The following HTR2C variants were observed in gnomAD, a reference collection of about 807,000 sequenced individuals.
HTR2C encodes the protein 5-hydroxytryptamine (serotonin) receptor 2C, G protein-coupled.
Under a neutral mutation model 21.0 loss-of-function variants are expected in HTR2C, and 5 were observed. That is an observed-to-expected ratio of 0.24 (90% CI 0.12 to 0.50). The LOEUF is 0.50. Among genes scored for constraint, HTR2C ranks in the 20% least tolerant of loss-of-function variants. The pLI, the probability that HTR2C is intolerant of heterozygous loss-of-function variation, is 0.98. For synonymous variants in HTR2C, 150 were observed against 145.3 expected (o/e 1.03, Z -0.23); for missense variants, 271 against 371.2 (o/e 0.73, Z 2.22).
intron 2 of HTR2C, among the ~76,000 whole-genome samples, chrX:114,682,530 A>G (rs1399032819): frequency 1.8e-5 from 2 of 111,625 alleles, no homozygotes; most frequent in Non-Finnish European, 3.8e-5. Context: ...GTTCAGAAAA[A>G]TAAGATTGCC....
intron 2 of HTR2C, among the ~76,000 whole-genome samples, chrX:114,663,365 A>G (rs1281824982): frequency 9.0e-6 from 1 of 111,532 alleles, no homozygotes; most frequent in Non-Finnish European, 1.9e-5. Context: ...GAAAAATGAA[A>G]TAAATTAAAA....
chrX:114,784,401 A>G (rs1196506310), intron 4 of HTR2C, among the ~76,000 whole-genome samples: 1 of 111,445 alleles, frequency 9.0e-6, no homozygotes, highest in Non-Finnish European at 1.9e-5. Context: ...CAAGGAAATT[A>G]CCACACATTC....
chrX:114,700,160 C>T (rs781892000), intron 2 of HTR2C, among the ~76,000 whole-genome samples: 4 of 111,277 alleles, frequency 3.6e-5, no homozygotes, highest in Non-Finnish European at 7.5e-5. Context: ...ATGAATGATG[C>T]CTAACTGTAA....
rs144149179 is a variant in HTR2C, at chrX:114,906,840, A to G, written c.802A>G (p.Lys268Glu). Residue 268 changes from lysine to glutamate, a missense_variant, in exon 6 of 6, where the codon AAG (lysine) becomes GAG (glutamate). This residue lies in a region of HTR2C where 192 missense variants were observed against 247.2 expected (regional missense o/e 0.78). Transcript: ENST00000276198. Reference sequence around the variant, plus strand: ...AAGTCTGGATTTCCTGAAGTGCTGCAAGAGGAATACGGCCGAGGAAGAGAA... The same window carrying G: ...AAGTCTGGATTTCCTGAAGTGCTGCGAGAGGAATACGGCCGAGGAAGAGAA... ...GLSLDFLKCCKRNTAEEENSA... is the reference protein window; with the variant it reads ...GLSLDFLKCCERNTAEEENSA... 35 of 1,208,845 alleles carry G rather than the reference A, an allele frequency of 2.9e-5. No individual in the cohort carries two copies. Among genetic ancestry groups the G allele is most frequent in the Non-Finnish European group, 3.8e-5 (34 of 894,985 alleles).
intron 4 of HTR2C, among the ~76,000 whole-genome samples, chrX:114,748,092 T>A (rs1263698256): frequency 8.9e-6 from 1 of 112,341 alleles, no homozygotes; most frequent in Non-Finnish European, 1.9e-5. Context: ...AAAGCCCATA[T>A]GCACAAATAA....
At chrX:114,803,264 G>A (rs1602804988) in intron 4 of HTR2C, among the ~76,000 whole-genome samples, 1 of 56,351 alleles carries the variant, frequency 1.8e-5, no homozygotes, top group African/African-American at 5.3e-5. Flanking sequence ...GGATGGCTGG[G>A]TCAAATGGCA....
intron 1 of HTR2C, among the ~76,000 whole-genome samples, chrX:114,613,090 A>C (rs1353250569): frequency 3.6e-5 from 4 of 109,794 alleles, no homozygotes; most frequent in African/African-American, 1.3e-4. Flanking sequence ...GGTGCCCACC[A>C]TCATGCCAGG....
intron 4 of HTR2C, among the ~76,000 whole-genome samples, chrX:114,808,171 G>T (rs1217505170): frequency 6.3e-5 from 7 of 110,240 alleles, no homozygotes; most frequent in Non-Finnish European, 1.3e-4. Flanking sequence ...ATCTCCATGA[G>T]TTCAATTGTT....
At chrX:114,734,564 T>TAAAAAAAAAAAAAAAAAAAAAAA (rs61672860) in intron 4 of HTR2C, among the ~76,000 whole-genome samples, 21 of 34,298 alleles carry the variant, frequency 6.1e-4, no homozygotes, top group Middle Eastern at 0.029. Flanking sequence ...GCCTTACATG[T>TAAAAAAAAAAAAAAAAAAAAAAA]AAAAAAAAAA....
intron 4 of HTR2C, among the ~76,000 whole-genome samples, chrX:114,761,173 A>G (rs782232331): frequency 9.0e-6 from 1 of 111,330 alleles, no homozygotes. Flanking sequence ...TTTTTTGCTT[A>G]TCTTTCTAAG....
intron 4 of HTR2C, among the ~76,000 whole-genome samples, chrX:114,786,963 T>C (rs1055138702): frequency 9.8e-5 from 11 of 112,007 alleles, no homozygotes; most frequent in African/African-American, 3.6e-4. Context: ...TGGTTGATTC[T>C]TTCTCCTGGT....
At chrX:114,777,018 C>T (rs1384779424) in intron 4 of HTR2C, among the ~76,000 whole-genome samples, 6 of 111,775 alleles carry the variant, frequency 5.4e-5, no homozygotes, top group Non-Finnish European at 1.1e-4. Flanking sequence ...AGCACCAAAG[C>T]GTAAGTAAAA....
intron 4 of HTR2C, among the ~76,000 whole-genome samples, chrX:114,812,733 G>C (rs1293494706): frequency 5.2e-5 from 4 of 76,601 alleles, no homozygotes; most frequent in Non-Finnish European, 9.8e-5. Flanking sequence ...CATCCCAAAA[G>C]AAACAAACAA....
At position 114,845,846 on chromosome X, in the gene HTR2C, C is replaced by CA. The variant is rs781980604; in HGVS notation, c.350-2148dup. ...GCAACATGGTGAAAACCCATCTCTA[C>CA]AAAAAAAAATTTAAAAATTAGACAG... On this transcript the variant is annotated intron_variant, in intron 4 of 5. Transcript: ENST00000276198. Among the ~76,000 whole-genome samples the CA allele has an allele frequency of 2.5e-3, 267 of 107,043 alleles. 1 individual carries two copies. The highest frequency in any genetic ancestry group is 8.5e-3 in the African/African-American group (251 of 29,485). 93.0% of individuals were successfully genotyped at this position (107,043 alleles called of 115,157 possible).
intron 1 of HTR2C, among the ~76,000 whole-genome samples, chrX:114,606,554 TAAGAG>T: frequency 9.0e-6 from 1 of 111,370 alleles, no homozygotes; most frequent in East Asian, 2.8e-4. Flanking sequence ...GAATTGAAAT[TAAGAG>T]AAGGGAGAGA....
rs183318896 is a variant in HTR2C, at chrX:114,690,528, C to T, written c.-79-36330C>T. On this transcript the variant is annotated intron_variant, in intron 2 of 5. Coordinates refer to ENST00000276198, the MANE Select transcript of HTR2C (RefSeq NM_000868.4). ...ATTCAACTCTAACAATAAAATTGTA[C>T]ATAGAAAATAGAATACAATGAAGAA... 5.2e-3 allele frequency among the ~76,000 whole-genome samples: 581 copies of T among 111,003 alleles called. 5 individuals are homozygous for T. The highest frequency in any genetic ancestry group is 0.018 in the African/African-American group (557 of 30,601).
At chrX:114,760,686 T>A (rs1027362096) in intron 4 of HTR2C, among the ~76,000 whole-genome samples, 1 of 110,659 alleles carries the variant, frequency 9.0e-6, no homozygotes, top group South Asian at 3.8e-4. Context: ...TCTGCTAATT[T>A]TTTTTTATTA....
intron 5 of HTR2C, among the ~76,000 whole-genome samples, chrX:114,903,988 C>T (rs2071354862): frequency 9.0e-6 from 1 of 111,688 alleles, no homozygotes; most frequent in Non-Finnish European, 1.9e-5. Flanking sequence ...ACAGAGTTTC[C>T]TATCAACACA....
intron 2 of HTR2C, among the ~76,000 whole-genome samples, chrX:114,677,700 A>T (rs1210713572): frequency 8.9e-6 from 1 of 111,932 alleles, no homozygotes; most frequent in Non-Finnish European, 1.9e-5. Context: ...CCTTTAATGT[A>T]TGTAAACAAT....
Sources: allele counts gnomAD v4.1 joint callset (sites outside exome capture counted in the v4.1 genomes callset), GRCh38; gene constraint gnomAD v4.1.1; regional missense constraint gnomAD v4.1.1; transcripts MANE v1.5; gene names NCBI Gene and HGNC (gene_info 2026-07-23, HGNC 2026-07-21).